Variants in DLGAP1 observed in about 807,000 individuals in gnomAD.
DLGAP1 encodes disks large-associated protein 1.
DLGAP1 carries 11 observed loss-of-function variants against 90.8 expected under a neutral mutation model. The ratio of observed to expected loss-of-function variants is 0.12; its 90% CI spans 0.08 to 0.20. DLGAP1 has a LOEUF of 0.20. Among genes scored for constraint, DLGAP1 ranks in the 10% least tolerant of loss-of-function variants. DLGAP1 has a pLI of 1.00. For missense variants in DLGAP1, 1,050 were observed against 1,333.8 expected (o/e 0.79, Z 3.31); for synonymous variants, 558 against 540.7 (o/e 1.03, Z -0.44).
At chr18:4,082,249 G>A (rs575254609) in intron 2 of DLGAP1, among the ~76,000 whole-genome samples, 6 of 150,636 alleles carry the variant, frequency 4.0e-5, no homozygotes, top group Admixed American at 6.7e-5. Context: ...GGCTGAGGCA[G>A]GAGAATTCCT....
At chr18:3,667,305 C>G (rs2059919493) in intron 7 of DLGAP1, among the ~76,000 whole-genome samples, 1 of 152,146 alleles carries the variant, frequency 6.6e-6, no homozygotes, top group Non-Finnish European at 1.5e-5. Flanking sequence ...TCTCAAACTC[C>G]TGACCTCGAA....
intron 1 of DLGAP1, among the ~76,000 whole-genome samples, chr18:4,298,662 T>C (rs1466630742): frequency 2.0e-5 from 3 of 151,968 alleles, no homozygotes; most frequent in Non-Finnish European, 4.4e-5. Flanking sequence ...TCGGGAGATA[T>C]ACCTAATGCT....
intron 2 of DLGAP1, among the ~76,000 whole-genome samples, chr18:4,140,437 C>A (rs534616167): frequency 7.9e-5 from 12 of 151,854 alleles, no homozygotes; most frequent in African/African-American, 2.4e-4. Context: ...TTTGTCCCCC[C>A]ACTTTTAAAT....
intron 2 of DLGAP1, among the ~76,000 whole-genome samples, chr18:4,075,340 G>A (rs1023247456): frequency 1.3e-5 from 2 of 152,068 alleles, no homozygotes; most frequent in African/African-American, 4.8e-5. Flanking sequence ...AGTGTAAAAA[G>A]AAATAGGGAG....
chr18:3,879,481 G>T lies in DLGAP1; in HGVS notation c.588C>A (p.Ser196Arg). The change falls in exon 4 of 13, where the codon AGC becomes AGA. Residue 196 changes from serine (S) to arginine (R), a missense_variant. Ser to Arg is a moderately radical substitution (Grantham distance 110). Transcript: ENST00000315677. The surrounding 1 kb of genome is among the most constrained non-coding windows in gnomAD (Gnocchi z 6.6). ...CCGAGCTCCACCAGCCCGGGGAGGTGCTGGGCCGGGCCTTGGGCTCCGCGC... is the reference window on the plus strand; with the variant it reads ...CCGAGCTCCACCAGCCCGGGGAGGTTCTGGGCCGGGCCTTGGGCTCCGCGC... The part of the protein sequence containing the change: ...ERRAEPKARP[S>R]TSPGWWSSDD... 1 of 1,604,890 alleles carries T rather than the reference G, an allele frequency of 6.2e-7. No individual in the cohort carries two copies. The highest frequency in any genetic ancestry group is 8.5e-7 in the Non-Finnish European group (1 of 1,179,860).
chr18:3,652,507 A>ATT lies in DLGAP1; in HGVS notation c.1592-70261_1592-70260dup, dbSNP rs113196269. 8.6e-5 allele frequency among the ~76,000 whole-genome samples: 13 copies of ATT among 151,736 alleles called. 1 individual carries two copies. Among genetic ancestry groups the ATT allele is most frequent in the African/African-American group, 3.1e-4 (13 of 41,346 alleles). On this transcript the variant is annotated intron_variant, in intron 7 of 12. Coordinates refer to ENST00000315677, the MANE Select transcript of DLGAP1 (RefSeq NM_004746.4). ...CACAACCAGCTAACTTTTACAAAAT[A>ATT]TTTTTTGTAGAGATGAGGGGGACTC...
chr18:4,193,914 GAAT>G (rs1441433971), intron 1 of DLGAP1, among the ~76,000 whole-genome samples: 2 of 152,098 alleles, frequency 1.3e-5, no homozygotes, highest in Non-Finnish European at 2.9e-5. Flanking sequence ...AAATTAAACA[GAAT>G]AACAGAGATG....
intron 1 of DLGAP1, among the ~76,000 whole-genome samples, chr18:4,425,686 C>A (rs926591958): frequency 6.6e-6 from 1 of 152,070 alleles, no homozygotes; most frequent in African/African-American, 2.4e-5. Context: ...GTGCTAAGGA[C>A]AATGCAGTGA....
intron 1 of DLGAP1, among the ~76,000 whole-genome samples, chr18:4,391,235 A>ACTAGGGAAACT (rs1271785375): frequency 6.6e-6 from 1 of 152,198 alleles, no homozygotes; most frequent in Non-Finnish European, 1.5e-5. Flanking sequence ...GGCCTCTGCA[A>ACTAGGGAAACT]CTAGGGAAAC....
At chr18:4,271,451 A>G (rs1256251208) in intron 1 of DLGAP1, among the ~76,000 whole-genome samples, 4 of 152,198 alleles carry the variant, frequency 2.6e-5, no homozygotes, top group Non-Finnish European at 4.4e-5. Flanking sequence ...GATTATTATG[A>G]ATGAAAGAAT....
chr18:4,243,858 G>C (rs1401252304), intron 1 of DLGAP1, among the ~76,000 whole-genome samples: 1 of 152,088 alleles, frequency 6.6e-6, no homozygotes, highest in East Asian at 1.9e-4. Context: ...GGTATACAAT[G>C]TCAAAATGGC....
chr18:3,534,656 T>C, intron 9 of DLGAP1, 41 bp from the exon 10 acceptor site: 5 of 1,476,498 alleles, frequency 3.4e-6, no homozygotes, highest in Non-Finnish European at 4.5e-6. Flanking sequence ...AGAGGATATT[T>C]CTTTCTTTCC....
At chr18:4,033,576 C>A (rs908963594) in intron 2 of DLGAP1, among the ~76,000 whole-genome samples, 1 of 152,084 alleles carries the variant, frequency 6.6e-6, no homozygotes, top group Non-Finnish European at 1.5e-5. Context: ...AAATGGCTCA[C>A]CACATTTACA....
At chr18:4,151,975 A>T (rs1443388085) in intron 1 of DLGAP1, among the ~76,000 whole-genome samples, 1 of 152,190 alleles carries the variant, frequency 6.6e-6, no homozygotes, top group Non-Finnish European at 1.5e-5. Flanking sequence ...TTAAAGTAAA[A>T]TAATAATAAT....
Position 3,859,523 on chromosome 18 carries a change from G to A in DLGAP1, c.957+19589C>T, listed in dbSNP as rs1033259643. On this transcript the variant is annotated intron_variant, in intron 4 of 12. Coordinates refer to ENST00000315677, the MANE Select transcript of DLGAP1 (RefSeq NM_004746.4). ...CTGGTCTTGAGATGGGGAGATTGTC[G>A]TGCATTATCAAGTGGGCCCAATATA... is the stretch of plus-strand genomic sequence containing the variant. Among the ~76,000 whole-genome samples, 7 of 152,058 alleles carry A rather than the reference G, an allele frequency of 4.6e-5. No homozygotes were observed. In the East Asian group the frequency reaches 1.2e-3, roughly 25 times the overall value.
chr18:3,713,889 A>G (rs574710728), intron 7 of DLGAP1, among the ~76,000 whole-genome samples: 1 of 152,300 alleles, frequency 6.6e-6, no homozygotes, highest in African/African-American at 2.4e-5. Context: ...AGGATGATTT[A>G]CCATGTTGGA....
chr18:4,333,659 A>G (rs59268899), intron 1 of DLGAP1, among the ~76,000 whole-genome samples: 50,995 of 146,954 alleles, frequency 0.35, 10,083 homozygotes, highest in East Asian at 0.62. Context: ...TCGCTCTGTC[A>G]CCTAGGCTGG....
At chr18:4,381,493 C>T (rs1254484931) in intron 1 of DLGAP1, among the ~76,000 whole-genome samples, 1 of 148,994 alleles carries the variant, frequency 6.7e-6, no homozygotes, top group East Asian at 1.9e-4. Flanking sequence ...AGATGGGTAT[C>T]ACTAATTATG....
At chr18:3,588,302 A>G (rs373900732) in intron 7 of DLGAP1, among the ~76,000 whole-genome samples, 5 of 152,312 alleles carry the variant, frequency 3.3e-5, no homozygotes, top group East Asian at 1.9e-4. Flanking sequence ...TCTACTAAAA[A>G]TACAAAATTA....
Sources: allele counts gnomAD v4.1 joint callset (sites outside exome capture counted in the v4.1 genomes callset), GRCh38; gene constraint gnomAD v4.1.1; non-coding constraint Gnocchi (gnomAD v3.1); transcripts MANE v1.5; gene names NCBI Gene and HGNC (gene_info 2026-07-23, HGNC 2026-07-21).